NRG3: variants seen among roughly 807,000 people sequenced by gnomAD.
The protein encoded by NRG3 is pro-neuregulin-3, membrane-bound isoform.
Under a neutral mutation model 66.9 loss-of-function variants are expected in NRG3, and 31 were observed. That is an observed-to-expected ratio of 0.46 (90% CI 0.35 to 0.63). The LOEUF (loss-of-function observed/expected upper bound fraction) is 0.63, where lower values mean the gene tolerates loss of function less well. Ranked by LOEUF, NRG3 falls within the 20% of genes least tolerant of loss-of-function variation. The pLI is 0.00. For synonymous variants in NRG3, 393 were observed against 359.4 expected (o/e 1.09, Z -1.06); for missense variants, 910 against 878.9 (o/e 1.04, Z -0.45).
chr10:82,782,838 A>C (rs2060176368), intron 3 of NRG3, among the ~76,000 whole-genome samples: 1 of 152,178 alleles, frequency 6.6e-6, no homozygotes, highest in Admixed American at 6.5e-5. Context: ...AAAAGAGGGA[A>C]TCCTCCGTAA....
At chr10:82,503,656 T>A (rs1171276507) in intron 2 of NRG3, among the ~76,000 whole-genome samples, 4 of 152,052 alleles carry the variant, frequency 2.6e-5, no homozygotes, top group Non-Finnish European at 5.9e-5. Flanking sequence ...AGTTTTTGAG[T>A]GTAGGGCAGA....
intron 1 of NRG3, among the ~76,000 whole-genome samples, chr10:81,905,022 G>A (rs1844450132): frequency 6.6e-6 from 1 of 152,028 alleles, no homozygotes; most frequent in Admixed American, 6.6e-5. Flanking sequence ...TCCAGAACAG[G>A]ACCATCCTGA....
chr10:82,256,158 G>A (rs745880854), intron 1 of NRG3, among the ~76,000 whole-genome samples: 4 of 152,024 alleles, frequency 2.6e-5, no homozygotes, highest in Non-Finnish European at 5.9e-5. Context: ...TCCTGACCTC[G>A]TGATCCACCT....
chr10:82,452,789 T>C (rs1447432172), intron 2 of NRG3, among the ~76,000 whole-genome samples: 4 of 152,184 alleles, frequency 2.6e-5, no homozygotes, highest in Non-Finnish European at 5.9e-5. Context: ...ATCACATTTG[T>C]CATATAACTG....
At chr10:82,761,319 A>G (rs1452799030) in intron 3 of NRG3, among the ~76,000 whole-genome samples, 1 of 152,094 alleles carries the variant, frequency 6.6e-6, no homozygotes. Context: ...AAAAAGTAAT[A>G]TCTTCAAGAA....
intron 1 of NRG3, among the ~76,000 whole-genome samples, chr10:81,933,399 G>A (rs1335367378): frequency 6.6e-6 from 1 of 152,108 alleles, no homozygotes; most frequent in African/African-American, 2.4e-5. Flanking sequence ...GAATAAGATG[G>A]TAAGTAGTAG....
intron 2 of NRG3, among the ~76,000 whole-genome samples, chr10:82,515,822 A>G (rs1845596062): frequency 6.6e-6 from 1 of 152,142 alleles, no homozygotes. Flanking sequence ...ATCCCCATTC[A>G]GGGCCAACTG....
At chr10:82,030,179 G>A (rs2062497954) in intron 1 of NRG3, among the ~76,000 whole-genome samples, 1 of 152,050 alleles carries the variant, frequency 6.6e-6, no homozygotes, top group South Asian at 2.1e-4. Flanking sequence ...TGACACCTTT[G>A]GGAGGGCAGC....
At chr10:82,928,911 C>T (rs1234761633) in intron 4 of NRG3, among the ~76,000 whole-genome samples, 1 of 152,140 alleles carries the variant, frequency 6.6e-6, no homozygotes, top group African/African-American at 2.4e-5. Flanking sequence ...TATTGCATAG[C>T]TCACTAATCT....
At chr10:82,384,588 G>T (rs1458055537) in intron 2 of NRG3, among the ~76,000 whole-genome samples, 3 of 152,150 alleles carry the variant, frequency 2.0e-5, no homozygotes, top group Non-Finnish European at 2.9e-5. Context: ...TTGCACACAT[G>T]TCCCTGCAGA....
At chr10:82,792,407 A>G (rs1476019710) in intron 3 of NRG3, among the ~76,000 whole-genome samples, 2 of 152,182 alleles carry the variant, frequency 1.3e-5, no homozygotes, top group African/African-American at 4.8e-5. Flanking sequence ...TTAATTCTGA[A>G]AAATTTTCAC....
At chr10:82,095,422 T>C (rs190149047) in intron 1 of NRG3, among the ~76,000 whole-genome samples, 1 of 152,188 alleles carries the variant, frequency 6.6e-6, no homozygotes, top group Admixed American at 6.5e-5. Context: ...TCCACATGAG[T>C]ATCACTAGCA....
chr10:82,979,141 G>A, intron 8 of NRG3, 21 bp downstream of exon 8: 2 of 1,611,126 alleles, frequency 1.2e-6, no homozygotes, highest in Admixed American at 3.3e-5. Flanking sequence ...AAACAGCAGT[G>A]GAATTTAGGG....
chr10:82,739,710 C>G (rs1394823318), intron 3 of NRG3, among the ~76,000 whole-genome samples: 1 of 152,172 alleles, frequency 6.6e-6, no homozygotes, highest in Non-Finnish European at 1.5e-5. Context: ...CTTGACGAAG[C>G]AATTCACCAT....
At chr10:82,005,850 A>G (rs2061359223) in intron 1 of NRG3, among the ~76,000 whole-genome samples, 1 of 151,734 alleles carries the variant, frequency 6.6e-6, no homozygotes, top group Admixed American at 6.6e-5. Flanking sequence ...GGTGAATAAG[A>G]CAATATTTCA....
chr10:82,189,083 T>C (rs1297179586), intron 1 of NRG3, among the ~76,000 whole-genome samples: 1 of 152,150 alleles, frequency 6.6e-6, no homozygotes, highest in East Asian at 1.9e-4. Context: ...GAAAACGGTT[T>C]AATTTTATAT....
chr10:82,690,149 A>G (rs1260273523), intron 2 of NRG3, among the ~76,000 whole-genome samples: 1 of 152,214 alleles, frequency 6.6e-6, no homozygotes, highest in African/African-American at 2.4e-5. Context: ...ATGGGTTACA[A>G]TGGCAGACAG....
intron 1 of NRG3, among the ~76,000 whole-genome samples, chr10:82,351,014 C>T (rs1488481186): frequency 1.3e-5 from 2 of 152,084 alleles, no homozygotes; most frequent in African/African-American, 4.8e-5. Flanking sequence ...GCCTCAGCCT[C>T]CCAAGTAGCT....
At chr10:82,825,442 A>G (rs562069905) in intron 3 of NRG3, among the ~76,000 whole-genome samples, 54 of 152,282 alleles carry the variant, frequency 3.5e-4, no homozygotes, top group African/African-American at 1.3e-3. Context: ...TCTAAAGTTT[A>G]TTTTTCTAGA....
Sources: gnomAD v4.1 joint callset for allele counts (sites outside exome capture counted in the v4.1 genomes callset) on GRCh38, gnomAD v4.1.1 for gene constraint, MANE v1.5 for transcripts, NCBI Gene and HGNC (gene_info 2026-07-23, HGNC 2026-07-21) for gene names.